Variants in XYLT1 observed in about 807,000 individuals in gnomAD.
The protein encoded by XYLT1 is xylosyltransferase 1, also known as beta-D-xylosyltransferase 1.
XYLT1 carries 36 observed loss-of-function variants against 91.3 expected under a neutral mutation model. That is an observed-to-expected ratio of 0.39 (90% CI 0.30 to 0.52). XYLT1 has a LOEUF of 0.52. Among genes scored for constraint, XYLT1 ranks in the 20% least tolerant of loss-of-function variants. The pLI is 0.68. For synonymous variants in XYLT1, 588 were observed against 532.0 expected, an observed-to-expected ratio of 1.11 and a Z score of -1.45; for missense variants, 1,242 against 1,284.5, an observed-to-expected ratio of 0.97 and a Z score of 0.51.
intron 1 of XYLT1, among the ~76,000 whole-genome samples, chr16:17,398,808 A>G (rs2035923063): frequency 1.1e-5 from 1 of 89,260 alleles, no homozygotes; most frequent in Non-Finnish European, 2.4e-5. Flanking sequence ...GGCTATGTCC[A>G]AATGTCCCCG....
At chr16:17,377,866 C>A (rs1054048793) in intron 1 of XYLT1, among the ~76,000 whole-genome samples, 1 of 152,170 alleles carries the variant, frequency 6.6e-6, no homozygotes, top group Non-Finnish European at 1.5e-5. Flanking sequence ...AAAAGAATTT[C>A]TTTACCTCCC....
chr16:17,229,510 G>A (rs1012592569), intron 3 of XYLT1, among the ~76,000 whole-genome samples: 1 of 152,208 alleles, frequency 6.6e-6, no homozygotes, highest in Non-Finnish European at 1.5e-5. Context: ...CTTATGCTGG[G>A]ATCTCAAATT....
At chr16:17,271,351 C>G (rs1567350854) in intron 2 of XYLT1, among the ~76,000 whole-genome samples, 1 of 151,164 alleles carries the variant, frequency 6.6e-6, no homozygotes. Context: ...GAGAAAGACA[C>G]AGAGAGAGAG....
At chr16:17,137,379 G>C (rs974674599) in intron 8 of XYLT1, 11 of 152,398 alleles carry the variant, frequency 7.2e-5, no homozygotes, top group African/African-American at 2.4e-4. Flanking sequence ...TGGGTTATGA[G>C]CCTGGCATTG....
chr16:17,199,579 C>T (rs2040678985), intron 4 of XYLT1, among the ~76,000 whole-genome samples: 1 of 152,166 alleles, frequency 6.6e-6, no homozygotes, highest in Non-Finnish European at 1.5e-5. Flanking sequence ...TGGGAGGGAT[C>T]CAGTGGGAGA....
chr16:17,158,282 G>C (rs1354222028), intron 6 of XYLT1, among the ~76,000 whole-genome samples: 1 of 152,228 alleles, frequency 6.6e-6, no homozygotes, highest in African/African-American at 2.4e-5. Flanking sequence ...TTGGACACCA[G>C]TGAGGGAGTG....
At position 17,470,658 on chromosome 16, in the gene XYLT1, C is replaced by T; in HGVS notation, c.139G>A (p.Gly47Arg). The T allele has an allele frequency of 1.8e-6, 2 of 1,134,616 alleles. No individual in the cohort carries two copies. Among genetic ancestry groups the T allele is most frequent in the Non-Finnish European group, 2.2e-6 (2 of 910,514 alleles). 70.3% of individuals were successfully genotyped at this position (1,134,616 alleles called of 1,614,324 possible). Residue 47 changes from glycine to arginine, a missense_variant, in exon 1 of 12, where the codon GGG becomes AGG. By Grantham distance (125) the Gly-to-Arg change is moderately radical. Around this residue, in one of 3 missense-constraint regions of XYLT1, gnomAD observed 437 missense variants for 411.5 expected, o/e 1.06. Transcript: ENST00000261381. ...SLDSGAGERR[G>R]GAAVGGGEQP... The stretch of plus-strand genomic sequence containing the variant: ...TCCCCGCCGCCGACCGCTGCGCCCC[C>T]GCGGCGCTCCCCGGCCCCGGAGTCG...
intron 1 of XYLT1, among the ~76,000 whole-genome samples, chr16:17,434,939 A>C (rs1231066838): frequency 2.6e-5 from 4 of 152,196 alleles, no homozygotes; most frequent in Non-Finnish European, 4.4e-5. Flanking sequence ...TGGAGTTTTA[A>C]TGCAGATGAA....
chr16:17,450,354 CAAACAAACAAAA>C (rs1479619279), intron 1 of XYLT1, among the ~76,000 whole-genome samples: 2 of 147,654 alleles, frequency 1.4e-5, no homozygotes, highest in East Asian at 2.0e-4. Context: ...AACAAACAAA[CAAACAAACAAAA>C]AAAAAAAGGT....
intron 2 of XYLT1, among the ~76,000 whole-genome samples, chr16:17,327,357 T>C (rs866551068): frequency 8.0e-6 from 1 of 124,280 alleles, no homozygotes; most frequent in African/African-American, 4.0e-5. Context: ...TTCTTTTCTT[T>C]TTTCTTTTTT....
intron 5 of XYLT1, chr16:17,193,364 T>G (rs930242146): frequency 5.3e-5 from 8 of 152,132 alleles, no homozygotes; most frequent in African/African-American, 1.7e-4. Flanking sequence ...GGTAGAGAAT[T>G]TGAGATGCAG....
chr16:17,256,833 G>C (rs922349246), intron 3 of XYLT1, among the ~76,000 whole-genome samples: 1 of 152,188 alleles, frequency 6.6e-6, no homozygotes, highest in African/African-American at 2.4e-5. Context: ...CGGATGCACC[G>C]ATGCCGGTGG....
chr16:17,301,619 A>T lies in XYLT1; in HGVS notation c.403-42121T>A, dbSNP rs115328590. Reference sequence around the variant, plus strand: ...AAGTACTCAGAACAGCGTGAAGCAGATGGGGTGACATTTACCTTGCAATGT... The same window carrying T: ...AAGTACTCAGAACAGCGTGAAGCAGTTGGGGTGACATTTACCTTGCAATGT... On this transcript the variant is annotated intron_variant, in intron 2 of 11. Coordinates refer to ENST00000261381, the MANE Select transcript of XYLT1 (RefSeq NM_022166.4). Among the ~76,000 whole-genome samples, 655 of 152,322 alleles carry T rather than the reference A, an allele frequency of 4.3e-3. 5 individuals carry two copies. The highest frequency in any genetic ancestry group is 0.015 in the African/African-American group (628 of 41,564).
At chr16:17,277,965 A>T (rs2034003001) in intron 2 of XYLT1, among the ~76,000 whole-genome samples, 1 of 152,192 alleles carries the variant, frequency 6.6e-6, no homozygotes, top group South Asian at 2.1e-4. Flanking sequence ...AGGAGCAACC[A>T]GCAAGAGAGG....
intron 3 of XYLT1, among the ~76,000 whole-genome samples, chr16:17,255,631 G>C (rs2033619182): frequency 6.6e-6 from 1 of 152,158 alleles, no homozygotes. Context: ...CAAGAATATA[G>C]ACAGGAACCA....
intron 2 of XYLT1, among the ~76,000 whole-genome samples, chr16:17,280,813 C>T (rs1372139066): frequency 3.3e-5 from 5 of 152,146 alleles, no homozygotes; most frequent in Non-Finnish European, 7.4e-5. Flanking sequence ...TCAATATTAG[C>T]ATTTCTACCC....
chr16:17,370,570 C>G (rs2035519769), intron 1 of XYLT1, among the ~76,000 whole-genome samples: 1 of 152,162 alleles, frequency 6.6e-6, no homozygotes, highest in Non-Finnish European at 1.5e-5. Flanking sequence ...GGAAGCAACC[C>G]TAGTGACTCA....
At chr16:17,170,932 T>C (rs1163611343) in intron 5 of XYLT1, among the ~76,000 whole-genome samples, 1 of 152,190 alleles carries the variant, frequency 6.6e-6, no homozygotes, top group East Asian at 1.9e-4. Context: ...CATTTTTAGC[T>C]AGTCGATGCT....
Position 17,317,630 on chromosome 16 carries a change from A to AG in XYLT1, c.402+40381_402+40382insC, listed in dbSNP as rs1491446697. ...GGGCCACGGTGGGAGACGCTGTCTC[A>AG]AAAAAAAAAAAAAAAAAAAAAAAAA... is the stretch of plus-strand genomic sequence containing the variant. On this transcript the variant is annotated intron_variant, in intron 2 of 11. Transcript: ENST00000261381. Among the ~76,000 whole-genome samples the AG allele has an allele frequency of 1.1e-3, 22 of 19,920 alleles. 1 individual carries two copies. The highest frequency in any genetic ancestry group is 4.3e-3 in the Admixed American group (5 of 1,154). 13.1% of individuals were successfully genotyped at this position (19,920 alleles called of 152,430 possible). A position where few individuals can be genotyped will look rare whatever the true frequency, so the allele number is the denominator to read the frequency against.
Sources: gnomAD v4.1 joint callset for allele counts (sites outside exome capture counted in the v4.1 genomes callset) on GRCh38, gnomAD v4.1.1 for gene constraint, gnomAD v4.1.1 regional missense constraint, MANE v1.5 for transcripts, NCBI Gene and HGNC (gene_info 2026-07-23, HGNC 2026-07-21) for gene names.